NRG3: variants seen among roughly 807,000 people sequenced by gnomAD.
NRG3 encodes the protein neuregulin 3.
A neutral mutation model predicts 66.9 loss-of-function variants in NRG3; 31 were observed. The ratio of observed to expected loss-of-function variants is 0.46; its 90% CI spans 0.35 to 0.63. The LOEUF (loss-of-function observed/expected upper bound fraction) is 0.63. Among genes scored for constraint, NRG3 ranks in the 20% least tolerant of loss-of-function variants. The probability of loss-of-function intolerance (pLI) is 0.00; values close to 1 mark genes in which losing one functional copy is unlikely to be tolerated. For missense variants in NRG3, 910 were observed against 878.9 expected (o/e 1.04, Z -0.45); for synonymous variants, 393 against 359.4 (o/e 1.09, Z -1.06).
At chr10:81,958,908 A>G (rs905046760) in intron 1 of NRG3, among the ~76,000 whole-genome samples, 1 of 152,110 alleles carries the variant, frequency 6.6e-6, no homozygotes, top group African/African-American at 2.4e-5. Flanking sequence ...AAAAAATAAC[A>G]AAACCAAAAC....
intron 2 of NRG3, among the ~76,000 whole-genome samples, chr10:82,391,392 G>A (rs1450680734): frequency 1.3e-5 from 2 of 152,192 alleles, no homozygotes; most frequent in Non-Finnish European, 2.9e-5. Flanking sequence ...TAAATTATCA[G>A]TTTAGAAATG....
chr10:82,756,833 T>C (rs1007718610), intron 3 of NRG3, among the ~76,000 whole-genome samples: 2 of 151,354 alleles, frequency 1.3e-5, no homozygotes, highest in East Asian at 1.9e-4. Flanking sequence ...TTTTTTTTTT[T>C]CTTATTTGGA....
intron 1 of NRG3, among the ~76,000 whole-genome samples, chr10:82,255,883 C>T (rs772688712): frequency 8.6e-5 from 13 of 151,994 alleles, no homozygotes; most frequent in Admixed American, 3.3e-4. Flanking sequence ...GGATCACATG[C>T]GTGAGCCACC....
intron 4 of NRG3, among the ~76,000 whole-genome samples, chr10:82,901,635 C>T (rs1844231767): frequency 6.6e-6 from 1 of 152,172 alleles, no homozygotes; most frequent in Non-Finnish European, 1.5e-5. Context: ...AGCCAAGCGG[C>T]AGCAGAATGG....
chr10:82,656,090 A>G (rs1042484396), intron 2 of NRG3, among the ~76,000 whole-genome samples: 1 of 152,202 alleles, frequency 6.6e-6, no homozygotes, highest in Non-Finnish European at 1.5e-5. Flanking sequence ...AGAGCATCTA[A>G]TGCAGAAGGC....
intron 4 of NRG3, among the ~76,000 whole-genome samples, chr10:82,898,394 G>T (rs1322822878): frequency 6.6e-6 from 1 of 152,130 alleles, no homozygotes; most frequent in Non-Finnish European, 1.5e-5. Flanking sequence ...CCACCCTTCA[G>T]GTGTCAGGAG....
intron 2 of NRG3, among the ~76,000 whole-genome samples, chr10:82,654,063 T>A (rs2051649522): frequency 6.6e-6 from 1 of 152,150 alleles, no homozygotes; most frequent in Non-Finnish European, 1.5e-5. Flanking sequence ...TGTGCAGTTT[T>A]TTGGGGGCTT....
chr10:82,380,705 A>G (rs116132750), intron 2 of NRG3, among the ~76,000 whole-genome samples: 7 of 152,274 alleles, frequency 4.6e-5, no homozygotes, highest in African/African-American at 1.7e-4. Context: ...GAGGGATTCT[A>G]GTAGAAGTGT....
chr10:81,952,048 C>T (rs1465746635), intron 1 of NRG3, among the ~76,000 whole-genome samples: 1 of 151,954 alleles, frequency 6.6e-6, no homozygotes, highest in Non-Finnish European at 1.5e-5. Flanking sequence ...CGCATGTTCT[C>T]CCTCACAGGT....
At chr10:82,157,951 A>G (rs923961767) in intron 1 of NRG3, among the ~76,000 whole-genome samples, 2 of 151,734 alleles carry the variant, frequency 1.3e-5, no homozygotes, top group Admixed American at 1.3e-4. Flanking sequence ...ATGATACTGA[A>G]TGTTCCTGTG....
intron 4 of NRG3, among the ~76,000 whole-genome samples, chr10:82,937,374 A>G (rs538562171): frequency 4.6e-5 from 7 of 152,310 alleles, no homozygotes; most frequent in Admixed American, 2.0e-4. Context: ...AGTCATAGAC[A>G]GGTTAAATAA....
At chr10:82,405,957 A>C (rs572315971) in intron 2 of NRG3, among the ~76,000 whole-genome samples, 10 of 152,118 alleles carry the variant, frequency 6.6e-5, no homozygotes, top group Non-Finnish European at 1.2e-4. Context: ...AATATGGTAC[A>C]TTAAAAACAA....
At position 82,374,033 on chromosome 10, in the gene NRG3, C is replaced by T. The variant is rs139763416; in HGVS notation, c.953+15165C>T. Among the ~76,000 whole-genome samples, 1,438 of 152,208 alleles carry T rather than the reference C, an allele frequency of 9.4e-3. 15 individuals are homozygous for T. Among genetic ancestry groups the T allele is most frequent in the Non-Finnish European group, 0.014 (930 of 68,012 alleles). On this transcript the variant is annotated intron_variant, in intron 2 of 8. Coordinates refer to ENST00000372141, the MANE Select transcript of NRG3 (RefSeq NM_001010848.4). ...TAGGCTTTGAGTTCATCTGTGCTTCCGGAACCTACCACCTACTCAGGAAAG... is the reference window on the plus strand; with the variant it reads ...TAGGCTTTGAGTTCATCTGTGCTTCTGGAACCTACCACCTACTCAGGAAAG...
Position 82,495,811 on chromosome 10 carries a change from G to GACACACACACACACACAC in NRG3, c.953+136957_953+136974dup, listed in dbSNP as rs55671097. 8.6e-3 allele frequency among the ~76,000 whole-genome samples: 1,241 copies of GACACACACACACACACAC among 144,858 alleles called. 8 individuals carry two copies. The highest frequency in any genetic ancestry group is 0.011 in the Non-Finnish European group (760 of 66,334). The stretch of plus-strand genomic sequence containing the variant: ...GTATGTTCCAATGTTTTAGAGTGCA[G>GACACACACACACACACAC]ACACACACACACACACACACACACA... On this transcript the variant is annotated intron_variant, in intron 2 of 8. Transcript: ENST00000372141.
intron 2 of NRG3, among the ~76,000 whole-genome samples, chr10:82,517,896 G>A (rs192142270): frequency 1.3e-5 from 2 of 152,132 alleles, no homozygotes; most frequent in Admixed American, 1.3e-4. Context: ...TCCATACTGG[G>A]TAAGGAAAAG....
intron 1 of NRG3, among the ~76,000 whole-genome samples, chr10:82,221,409 G>T (rs2075937875): frequency 6.6e-6 from 1 of 152,046 alleles, no homozygotes; most frequent in African/African-American, 2.4e-5. Context: ...CAGCCTTCCA[G>T]CCCCCCTCCA....
intron 2 of NRG3, among the ~76,000 whole-genome samples, chr10:82,479,818 A>T (rs1392908958): frequency 2.0e-5 from 3 of 152,006 alleles, no homozygotes; most frequent in Non-Finnish European, 4.4e-5. Context: ...ACACAAAAAA[A>T]TTAGCGGGGC....
At chr10:82,203,020 A>C (rs1307402067) in intron 1 of NRG3, among the ~76,000 whole-genome samples, 2 of 152,332 alleles carry the variant, frequency 1.3e-5, no homozygotes, top group East Asian at 3.9e-4. Flanking sequence ...GGAGGACATG[A>C]ATGTCAGGAT....
rs200906159 is a variant in NRG3, at chr10:82,778,512, A to G, written c.1027+39862A>G. Among the ~76,000 whole-genome samples, 129 of 152,254 alleles carry G rather than the reference A, an allele frequency of 8.5e-4. No individual in the cohort carries two copies. In the East Asian group the frequency reaches 0.013, roughly 16 times the overall value. On this transcript the variant is annotated intron_variant, in intron 3 of 8. Transcript: ENST00000372141. ...AGCTTATAAAACCATCAGGCCTCAC[A>G]AACTCACTCATTATCATGAAAAAAG...
Sources: gnomAD v4.1 joint callset for allele counts (sites outside exome capture counted in the v4.1 genomes callset) on GRCh38, gnomAD v4.1.1 for gene constraint, MANE v1.5 for transcripts, NCBI Gene and HGNC (gene_info 2026-07-23, HGNC 2026-07-21) for gene names.